PDE11A: variants seen among roughly 807,000 people sequenced by gnomAD.
The protein encoded by PDE11A is phosphodiesterase 11A.
PDE11A carries 100 observed loss-of-function variants against 100.5 expected under a neutral mutation model. The observed-to-expected ratio is 1.00, with a 90% confidence interval of 0.85 to 1.18. PDE11A has a LOEUF of 1.18. PDE11A is among the 50% of genes most tolerant of loss of function. The pLI, the probability that PDE11A is intolerant of heterozygous loss-of-function variation, is 0.00. For missense variants in PDE11A, 1,141 were observed against 1,152.6 expected, an observed-to-expected ratio of 0.99 and a Z score of 0.15; for synonymous variants, 381 against 420.8, an observed-to-expected ratio of 0.91 and a Z score of 1.16.
At chr2:178,063,207 T>C (rs1485910882) in intron 1 of PDE11A, among the ~76,000 whole-genome samples, 2 of 152,194 alleles carry the variant, frequency 1.3e-5, no homozygotes, top group Non-Finnish European at 2.9e-5. Context: ...ATATCTGTGT[T>C]TGTCAAAGGT....
intron 1 of PDE11A, among the ~76,000 whole-genome samples, chr2:178,065,155 T>C (rs1217754867): frequency 6.6e-6 from 1 of 152,196 alleles, no homozygotes; most frequent in Non-Finnish European, 1.5e-5. Context: ...CTTTATCTGA[T>C]TAAAATTTCA....
chr2:177,899,637 A>AATATATATATATAT (rs3037901), intron 3 of PDE11A: 169 of 209,296 alleles, frequency 8.1e-4, no homozygotes, highest in African/African-American at 3.8e-3. Flanking sequence ...CAGATTCTTA[A>AATATATATATATAT]ATATATATAT....
At chr2:177,927,219 A>T (rs2085137315) in intron 2 of PDE11A, among the ~76,000 whole-genome samples, 2 of 152,248 alleles carry the variant, frequency 1.3e-5, no homozygotes, top group African/African-American at 4.8e-5. Flanking sequence ...TTGCCATGAC[A>T]GCTAGTCAAA....
At chr2:178,039,504 C>T (rs1036664923) in intron 1 of PDE11A, among the ~76,000 whole-genome samples, 2 of 151,934 alleles carry the variant, frequency 1.3e-5, no homozygotes, top group African/African-American at 4.8e-5. Flanking sequence ...TATAACAAAC[C>T]TTTACATGTA....
At chr2:177,881,291 G>A in intron 4 of PDE11A, among the ~76,000 whole-genome samples, 1 of 150,896 alleles carries the variant, frequency 6.6e-6, no homozygotes, top group Non-Finnish European at 1.5e-5. Flanking sequence ...AATTATGTGA[G>A]CCAATTCCTA....
Position 177,790,725 on chromosome 2 carries a change from CG to C in PDE11A, c.1738-21353del, listed in dbSNP as rs202139850. On this transcript the variant is annotated intron_variant, in intron 9 of 19. Transcript: ENST00000286063. ...ACAAACAACCCCATCAAAAAGTGGG[CG>C]AAGGATATGAACAGACACTTCTCAA... Among the ~76,000 whole-genome samples, 745 of 152,232 alleles carry C rather than the reference CG, an allele frequency of 4.9e-3. 42 individuals carry two copies. The East Asian group carries it at 0.11, about 22-fold the overall frequency.
chr2:177,665,599 T>C (rs982154232), intron 18 of PDE11A, among the ~76,000 whole-genome samples: 2 of 151,998 alleles, frequency 1.3e-5, no homozygotes, highest in Non-Finnish European at 2.9e-5. Flanking sequence ...CTTATGTCTG[T>C]AATTCCAGCA....
At chr2:177,668,475 C>A (rs1037181000) in intron 18 of PDE11A, among the ~76,000 whole-genome samples, 27 of 152,162 alleles carry the variant, frequency 1.8e-4, no homozygotes, top group Non-Finnish European at 2.8e-4. Flanking sequence ...GTCAATGTTG[C>A]TTTGAAAACT....
chr2:177,992,077 T>C (rs2086011584), intron 2 of PDE11A, among the ~76,000 whole-genome samples: 1 of 151,332 alleles, frequency 6.6e-6, no homozygotes, highest in African/African-American at 2.4e-5. Context: ...ATTACTGCTT[T>C]TTTTTCTAAT....
intron 6 of PDE11A, among the ~76,000 whole-genome samples, chr2:177,830,824 G>A (rs565659648): frequency 7.3e-5 from 11 of 151,724 alleles, no homozygotes; most frequent in African/African-American, 2.7e-4. Context: ...AAACATGAGG[G>A]TTTCTTGTAC....
At chr2:178,033,691 C>CT (rs2086575456) in intron 1 of PDE11A, among the ~76,000 whole-genome samples, 2 of 152,308 alleles carry the variant, frequency 1.3e-5, no homozygotes, top group South Asian at 4.1e-4. Context: ...ATCAGACTAA[C>CT]AGTGGATCTC....
intron 10 of PDE11A, among the ~76,000 whole-genome samples, chr2:177,766,474 T>C (rs1184414368): frequency 1.3e-5 from 2 of 152,178 alleles, no homozygotes; most frequent in African/African-American, 4.8e-5. Flanking sequence ...AAAAACTTTT[T>C]TACAATCATG....
chr2:177,778,794 T>G (rs371925255), intron 9 of PDE11A, among the ~76,000 whole-genome samples: 11 of 152,290 alleles, frequency 7.2e-5, no homozygotes, highest in African/African-American at 2.6e-4. Flanking sequence ...GCGTTGAAAC[T>G]GAGAAATCAT....
intron 2 of PDE11A, among the ~76,000 whole-genome samples, chr2:177,990,351 A>C (rs992755174): frequency 1.3e-5 from 2 of 152,168 alleles, no homozygotes; most frequent in East Asian, 3.8e-4. Flanking sequence ...GCCTTTTAAT[A>C]ATGTGGTTGA....
chr2:178,070,473 G>A (rs2087111645), intron 1 of PDE11A, among the ~76,000 whole-genome samples: 2 of 152,104 alleles, frequency 1.3e-5, no homozygotes, highest in African/African-American at 4.8e-5. Flanking sequence ...AGCTCCCTGA[G>A]ACCACTGGAA....
At chr2:177,725,339 A>C (rs2081584808) in intron 12 of PDE11A, among the ~76,000 whole-genome samples, 1 of 152,204 alleles carries the variant, frequency 6.6e-6, no homozygotes. Context: ...TGACACTTTT[A>C]ACTGACTGTA....
In PDE11A at chr2:177,934,472, A is replaced by C. The variant is rs534051358; in HGVS notation, c.1072-29285T>G. Among the ~76,000 whole-genome samples, 6 of 152,342 alleles carry C rather than the reference A, an allele frequency of 3.9e-5. No homozygotes were observed. In the South Asian group the frequency reaches 1.2e-3, roughly 32 times the overall value. Reference sequence around the variant, plus strand: ...AGCAGTCAAAATGGCTATTACTAAAAAGTCAAAAAACAACAGATATTGGCC... The same window carrying C: ...AGCAGTCAAAATGGCTATTACTAAACAGTCAAAAAACAACAGATATTGGCC... On this transcript the variant is annotated intron_variant, in intron 2 of 19. Coordinates refer to ENST00000286063, the MANE Select transcript of PDE11A (RefSeq NM_016953.4).
chr2:177,770,978 C>G (rs2082303562), intron 9 of PDE11A, among the ~76,000 whole-genome samples: 1 of 152,152 alleles, frequency 6.6e-6, no homozygotes, highest in African/African-American at 2.4e-5. Flanking sequence ...AGGCATACAC[C>G]ACTATGCTCA....
chr2:177,871,561 T>TATCATTATC (rs1468333279), intron 5 of PDE11A, among the ~76,000 whole-genome samples: 8 of 130,382 alleles, frequency 6.1e-5, no homozygotes, highest in African/African-American at 2.1e-4. Flanking sequence ...TTATTATTAT[T>TATCATTATC]ATTATTATTA....
Sources: gnomAD v4.1 joint callset for allele counts (sites outside exome capture counted in the v4.1 genomes callset) on GRCh38, gnomAD v4.1.1 for gene constraint, MANE v1.5 for transcripts, NCBI Gene and HGNC (gene_info 2026-07-23, HGNC 2026-07-21) for gene names.